The following EPHA6 variants were observed in gnomAD, a reference collection of about 807,000 sequenced individuals.
EPHA6 encodes ephrin type-A receptor 6.
EPHA6 carries 50 observed loss-of-function variants against 112.0 expected under a neutral mutation model. The ratio of observed to expected loss-of-function variants is 0.45; its 90% confidence interval spans 0.36 to 0.56. The LOEUF is 0.56. Among genes scored for constraint, EPHA6 ranks in the 20% least tolerant of loss-of-function variants. The pLI is 0.00. For missense variants in EPHA6, 1,280 were observed against 1,417.4 expected (o/e 0.90, Z 1.56); for synonymous variants, 529 against 490.7 (o/e 1.08, Z -1.03).
At chr3:97,077,234 C>G (rs1180611632) in intron 3 of EPHA6, among the ~76,000 whole-genome samples, 3 of 152,040 alleles carry the variant, frequency 2.0e-5, no homozygotes, top group Non-Finnish European at 4.4e-5. Flanking sequence ...GTGAAAATAT[C>G]AACATTAATA....
At chr3:97,673,319 G>T (rs192087322) in intron 14 of EPHA6, among the ~76,000 whole-genome samples, 1 of 152,174 alleles carries the variant, frequency 6.6e-6, no homozygotes, top group African/African-American at 2.4e-5. Flanking sequence ...AGAGGCAACT[G>T]GTGTTACTCG....
intron 6 of EPHA6, among the ~76,000 whole-genome samples, chr3:97,414,540 G>A (rs1194605455): frequency 3.9e-5 from 6 of 151,932 alleles, no homozygotes; most frequent in African/African-American, 7.2e-5. Flanking sequence ...CATAGTAACC[G>A]ATGTATAGTA....
At chr3:97,424,647 T>A (rs1057012900) in intron 6 of EPHA6, among the ~76,000 whole-genome samples, 1 of 151,314 alleles carries the variant, frequency 6.6e-6, no homozygotes, top group African/African-American at 2.4e-5. Context: ...CTACTAAAAA[T>A]ACAAAAAAAT....
At chr3:97,491,930 C>T (rs1400224998) in intron 10 of EPHA6, among the ~76,000 whole-genome samples, 1 of 151,966 alleles carries the variant, frequency 6.6e-6, no homozygotes, top group African/African-American at 2.4e-5. Context: ...AAGCAAGTCA[C>T]AAAGCCAGAC....
chr3:97,638,980 A>T (rs1011991349), intron 14 of EPHA6, among the ~76,000 whole-genome samples: 4 of 152,018 alleles, frequency 2.6e-5, no homozygotes, highest in Non-Finnish European at 5.9e-5. Flanking sequence ...ATGCTCTATG[A>T]GTTTTTTTGA....
intron 3 of EPHA6, among the ~76,000 whole-genome samples, chr3:97,032,464 A>AT (rs2044899581): frequency 6.6e-6 from 1 of 151,980 alleles, no homozygotes; most frequent in South Asian, 2.1e-4. Flanking sequence ...AATAAAAAGA[A>AT]TAAAAAAAAG....
At chr3:97,397,770 C>T (rs556802621) in intron 5 of EPHA6, among the ~76,000 whole-genome samples, 3 of 151,314 alleles carry the variant, frequency 2.0e-5, no homozygotes, top group Admixed American at 6.6e-5. Flanking sequence ...ATTAAGTATA[C>T]AGAATGGAGT....
At chr3:96,865,694 C>CAAAAAAAA (rs57565102) in intron 1 of EPHA6, among the ~76,000 whole-genome samples, 14 of 82,002 alleles carry the variant, frequency 1.7e-4, no homozygotes, top group South Asian at 4.1e-4. Context: ...AAAAAACAAA[C>CAAAAAAAA]AAAAAAAAAA....
chr3:96,906,619 C>T lies in EPHA6; in HGVS notation c.450+39730C>T, dbSNP rs565965015. Among the ~76,000 whole-genome samples the T allele has an allele frequency of 3.9e-5, 6 of 152,178 alleles. No individual in the cohort carries two copies. The South Asian group carries it at 1.2e-3, about 31-fold the overall frequency. On this transcript the variant is annotated intron_variant, in intron 2 of 17. Transcript: ENST00000389672. ...ATTTGTGTCTCTGCACCTTTGTCCA[C>T]AATTTTCAACCACATCATTTGTTCT...
In EPHA6 at chr3:96,973,592, G is replaced by C. The variant is rs112063217; in HGVS notation, c.451-13738G>C. 5.1e-3 allele frequency among the ~76,000 whole-genome samples: 775 copies of C among 151,712 alleles called. 7 individuals are homozygous for C. The highest frequency in any genetic ancestry group is 0.017 in the African/African-American group (703 of 41,422). ...ATCCCAGCACTTTGGGAGGCTGAGG[G>C]GGGCGGATTGCCTGAGGGTTCAGGA... On this transcript the variant is annotated intron_variant, in intron 2 of 17. Transcript: ENST00000389672.
intron 2 of EPHA6, among the ~76,000 whole-genome samples, chr3:96,930,076 G>A (rs1000261354): frequency 1.3e-5 from 2 of 152,128 alleles, no homozygotes; most frequent in African/African-American, 2.4e-5. Context: ...CAGGTTAATT[G>A]TACTTCTCTC....
chr3:97,186,288 A>T (rs535591804), intron 3 of EPHA6, among the ~76,000 whole-genome samples: 1 of 152,168 alleles, frequency 6.6e-6, no homozygotes, highest in South Asian at 2.1e-4. Context: ...GGGCCCCAAG[A>T]TTTTTTTAAG....
At chr3:97,399,608 C>CT (rs1394524041) in intron 5 of EPHA6, among the ~76,000 whole-genome samples, 4 of 151,602 alleles carry the variant, frequency 2.6e-5, no homozygotes, top group African/African-American at 7.2e-5. Context: ...TATTTATTTT[C>CT]TTTTTGATAA....
In EPHA6 at chr3:97,736,071, G is replaced by C. The variant is rs767401648; in HGVS notation, c.3081G>C (p.Leu1027=). The change falls in exon 16 of 18, where the codon CTG becomes CTC. Residue 1027 remains leucine, a synonymous_variant. Coordinates refer to ENST00000389672, the MANE Select transcript of EPHA6 (RefSeq NM_001080448.3). The part of the protein sequence containing the change: ...FTDIVSFLDK[L]IRNPSALHTL... ...ACATTGTCAGCTTCCTTGACAAACTGATCCGAAATCCCAGTGCCCTTCACA... is the reference window on the plus strand; with the variant it reads ...ACATTGTCAGCTTCCTTGACAAACTCATCCGAAATCCCAGTGCCCTTCACA... The C allele has an allele frequency of 1.2e-6, 2 of 1,612,276 alleles. No individual in the cohort carries two copies. The highest frequency in any genetic ancestry group is 1.7e-6 in the Non-Finnish European group (2 of 1,179,090).
At chr3:97,497,005 C>G (rs999148395) in intron 10 of EPHA6, among the ~76,000 whole-genome samples, 2 of 152,174 alleles carry the variant, frequency 1.3e-5, no homozygotes, top group African/African-American at 2.4e-5. Context: ...GATCCAACCT[C>G]GTTTTACCAC....
chr3:97,229,932 T>G (rs774955384), intron 4 of EPHA6, among the ~76,000 whole-genome samples: 24 of 152,128 alleles, frequency 1.6e-4, no homozygotes, highest in Non-Finnish European at 3.2e-4. Context: ...AAAATAAAAC[T>G]TCTTAATATA....
chr3:97,530,935 G>A (rs1207268484), intron 10 of EPHA6, among the ~76,000 whole-genome samples: 8 of 151,994 alleles, frequency 5.3e-5, no homozygotes, highest in Non-Finnish European at 1.0e-4. Flanking sequence ...AAGGATAATT[G>A]AAATCTATTG....
intron 2 of EPHA6, among the ~76,000 whole-genome samples, chr3:96,874,692 A>G (rs944597368): frequency 3.9e-5 from 6 of 152,118 alleles, no homozygotes; most frequent in African/African-American, 1.2e-4. Context: ...AACTAGTTCA[A>G]TGACTGACCA....
chr3:96,880,402 T>A (rs1251452697), intron 2 of EPHA6, among the ~76,000 whole-genome samples: 1 of 152,090 alleles, frequency 6.6e-6, no homozygotes, highest in African/African-American at 2.4e-5. Context: ...AATAAAGACA[T>A]ATAGAAATTG....
Sources: allele counts gnomAD v4.1 joint callset (sites outside exome capture counted in the v4.1 genomes callset), GRCh38; gene constraint gnomAD v4.1.1; transcripts MANE v1.5; gene names NCBI Gene and HGNC (gene_info 2026-07-23, HGNC 2026-07-21).